WDR72: variants seen among roughly 807,000 people sequenced by gnomAD.
The protein encoded by WDR72 is WD repeat-containing protein 72.
WDR72 carries 120 observed loss-of-function variants against 124.2 expected under a neutral mutation model. That is an observed-to-expected ratio of 0.97 (90% CI 0.83 to 1.12). The LOEUF (loss-of-function observed/expected upper bound fraction) is 1.12. Among genes scored for constraint, WDR72 ranks in the 50% most tolerant of loss-of-function variants. WDR72 has a pLI of 0.00. For synonymous variants in WDR72, 452 were observed against 441.7 expected (o/e 1.02, Z -0.29); for missense variants, 1,387 against 1,278.8 (o/e 1.08, Z -1.29).
chr15:53,670,237 G>A (rs1373176553), intron 13 of WDR72, among the ~76,000 whole-genome samples: 1 of 152,054 alleles, frequency 6.6e-6, no homozygotes, highest in Non-Finnish European at 1.5e-5. Flanking sequence ...AGAGACCAGA[G>A]CTAATCATAA....
chr15:53,527,673 G>A (rs1403347110), intron 18 of WDR72, among the ~76,000 whole-genome samples: 1 of 152,018 alleles, frequency 6.6e-6, no homozygotes, highest in African/African-American at 2.4e-5. Context: ...AAAAGATAGA[G>A]CAGTTTGAAA....
At chr15:53,709,288 A>T (rs572272817) in intron 9 of WDR72, among the ~76,000 whole-genome samples, 1 of 152,228 alleles carries the variant, frequency 6.6e-6, no homozygotes, top group East Asian at 1.9e-4. Flanking sequence ...CCAGTTTCCA[A>T]TTATTCTATT....
intron 2 of WDR72, among the ~76,000 whole-genome samples, chr15:53,727,140 C>T (rs1478877410): frequency 1.3e-5 from 2 of 148,174 alleles, no homozygotes; most frequent in Admixed American, 6.8e-5. Flanking sequence ...AGTGAAACCC[C>T]ATGTCTATTA....
At chr15:53,713,765 T>C (rs545477608) in intron 6 of WDR72, among the ~76,000 whole-genome samples, 3 of 152,242 alleles carry the variant, frequency 2.0e-5, no homozygotes, top group Non-Finnish European at 2.9e-5. Context: ...GCCTAGTATT[T>C]TGATTGCTTA....
intron 18 of WDR72, among the ~76,000 whole-genome samples, chr15:53,529,164 A>ATATATATATATATATTTTTTTTTT (rs59003623): frequency 1.3e-5 from 1 of 78,156 alleles, no homozygotes; most frequent in African/African-American, 5.0e-5. Context: ...ATATATATAT[A>ATATATATATATATATTTTTTTTTT]TTTTTTTTTT....
chr15:53,690,163 A>T (rs1032004039), intron 13 of WDR72, among the ~76,000 whole-genome samples: 11 of 151,844 alleles, frequency 7.2e-5, no homozygotes, highest in African/African-American at 2.7e-4. Flanking sequence ...ACATGTATAC[A>T]TATGTAACTA....
At chr15:53,689,428 A>T (rs1190256896) in intron 13 of WDR72, among the ~76,000 whole-genome samples, 2 of 149,746 alleles carry the variant, frequency 1.3e-5, no homozygotes, top group Non-Finnish European at 2.9e-5. Context: ...CACTTCTCAA[A>T]AGAAGACATT....
At chr15:53,588,289 A>G (rs1338225002) in intron 18 of WDR72, among the ~76,000 whole-genome samples, 2 of 152,036 alleles carry the variant, frequency 1.3e-5, no homozygotes, top group African/African-American at 4.8e-5. Context: ...CACAAGATTA[A>G]TAAGTTCCAA....
intron 16 of WDR72, among the ~76,000 whole-genome samples, chr15:53,613,452 C>T (rs2013627691): frequency 6.6e-6 from 1 of 151,954 alleles, no homozygotes; most frequent in African/African-American, 2.4e-5. Flanking sequence ...TTATAAATGT[C>T]ACCCACCTTA....
intron 1 of WDR72, among the ~76,000 whole-genome samples, chr15:53,757,049 A>G (rs2018927910): frequency 6.6e-6 from 1 of 152,166 alleles, no homozygotes; most frequent in Non-Finnish European, 1.5e-5. Context: ...GACCAAAGAT[A>G]TCTCTCTCAT....
chr15:53,695,719 CCT>C (rs751172688), intron 13 of WDR72, among the ~76,000 whole-genome samples: 1 of 152,132 alleles, frequency 6.6e-6, no homozygotes, highest in Non-Finnish European at 1.5e-5. Flanking sequence ...CAAAATTTAC[CCT>C]GTCATCCATC....
intron 18 of WDR72, among the ~76,000 whole-genome samples, chr15:53,555,672 CAATTA>C (rs1893904025): frequency 6.6e-6 from 1 of 152,142 alleles, no homozygotes; most frequent in East Asian, 1.9e-4. Flanking sequence ...ACCCATAATT[CAATTA>C]AATTAAAATG....
intron 18 of WDR72, among the ~76,000 whole-genome samples, chr15:53,547,078 G>C: frequency 6.6e-6 from 1 of 152,322 alleles, no homozygotes; most frequent in South Asian, 2.1e-4. Context: ...TGGCTCCAAA[G>C]CCAACAACCT....
At chr15:53,627,248 T>C (rs2014247793) in intron 14 of WDR72, among the ~76,000 whole-genome samples, 1 of 152,226 alleles carries the variant, frequency 6.6e-6, no homozygotes, top group Non-Finnish European at 1.5e-5. Context: ...GGGTCTTCAT[T>C]AGCTAAACAT....
In WDR72 at chr15:53,574,093, A is replaced by G. The variant is rs376018351; in HGVS notation, c.3148+22986T>C. ...CTTTAACTGTATCTCTTGATGTATG[A>G]CAGGGAATCTTCTATTTTTAAGGTG... is the stretch of plus-strand genomic sequence containing the variant. On this transcript the variant is annotated intron_variant, in intron 18 of 19. Coordinates refer to ENST00000360509, the MANE Select transcript of WDR72 (RefSeq NM_182758.4). Among the ~76,000 whole-genome samples, 24 of 152,308 alleles carry G rather than the reference A, an allele frequency of 1.6e-4. No homozygotes were observed. In the East Asian group the frequency reaches 3.5e-3, roughly 22 times the overall value.
Position 53,515,667 on chromosome 15 carries a change from C to T in WDR72, c.*2032G>A, listed in dbSNP as rs374169579. 2 of 152,114 alleles carry T rather than the reference C, an allele frequency of 1.3e-5. No homozygotes were observed. Among genetic ancestry groups the T allele is most frequent in the African/African-American group, 2.4e-5 (1 of 41,446 alleles). The allele number at this position is 152,114 out of a possible 1,614,324, so 9.4% of individuals were successfully genotyped here. A position where few individuals can be genotyped will look rare whatever the true frequency, so the allele number is the denominator to read the frequency against. Reference sequence around the variant, plus strand: ...AACATGCGATGCCGAAAAATCCTAACATTTCCACTTAGTAATGTCAGGGTT... The same window carrying T: ...AACATGCGATGCCGAAAAATCCTAATATTTCCACTTAGTAATGTCAGGGTT... On this transcript the variant is annotated 3_prime_UTR_variant, in exon 20 of 20. Transcript: ENST00000360509.
chr15:53,599,860 A>G (rs1241341368), intron 17 of WDR72, among the ~76,000 whole-genome samples: 1 of 152,148 alleles, frequency 6.6e-6, no homozygotes, highest in African/African-American at 2.4e-5. Flanking sequence ...CTTCACTTTA[A>G]CTGTTGATTT....
At chr15:53,574,541 CA>C (rs1170515387) in intron 18 of WDR72, among the ~76,000 whole-genome samples, 1 of 152,010 alleles carries the variant, frequency 6.6e-6, no homozygotes, top group Non-Finnish European at 1.5e-5. Flanking sequence ...TATCTCAGAA[CA>C]AAGAAAGATA....
intron 13 of WDR72, among the ~76,000 whole-genome samples, chr15:53,673,477 C>A (rs1041096643): frequency 6.6e-6 from 1 of 152,096 alleles, no homozygotes; most frequent in Non-Finnish European, 1.5e-5. Context: ...ACATTTGAGA[C>A]TAATTGACTT....
Sources: gnomAD v4.1 joint callset for allele counts (sites outside exome capture counted in the v4.1 genomes callset) on GRCh38, gnomAD v4.1.1 for gene constraint, MANE v1.5 for transcripts, NCBI Gene and HGNC (gene_info 2026-07-23, HGNC 2026-07-21) for gene names.